Variants in LMBR1 observed in about 807,000 individuals in gnomAD.
The protein encoded by LMBR1 is limb region 1 protein homolog.
A neutral mutation model predicts 73.9 loss-of-function variants in LMBR1; 52 were observed. The observed-to-expected ratio is 0.70, with a 90% CI of 0.56 to 0.89. The LOEUF is 0.89. Ranked by LOEUF, LMBR1 falls within the 40% of genes least tolerant of loss-of-function variation. LMBR1 has a pLI of 0.00. For synonymous variants in LMBR1, 215 were observed against 209.4 expected (o/e 1.03, Z -0.23); for missense variants, 539 against 579.8 (o/e 0.93, Z 0.72).
chr7:156,727,655 GC>G (rs1816035264), intron 12 of LMBR1, among the ~76,000 whole-genome samples: 1 of 152,030 alleles, frequency 6.6e-6, no homozygotes, highest in Non-Finnish European at 1.5e-5. Context: ...ATTTCATATA[GC>G]TAAATGAATT....
intron 2 of LMBR1, among the ~76,000 whole-genome samples, chr7:156,835,523 T>C (rs1431748902): frequency 6.6e-6 from 1 of 151,968 alleles, no homozygotes; most frequent in African/African-American, 2.4e-5. Flanking sequence ...AGTGAAGCCC[T>C]GTCTCTATTA....
intron 5 of LMBR1, among the ~76,000 whole-genome samples, chr7:156,792,134 A>C (rs1249252601): frequency 6.6e-6 from 1 of 152,208 alleles, no homozygotes; most frequent in Non-Finnish European, 1.5e-5. Flanking sequence ...CTCTGATATT[A>C]ATCCAGATAA....
chr7:156,799,247 G>A (rs1020326612), intron 4 of LMBR1, among the ~76,000 whole-genome samples: 3 of 151,706 alleles, frequency 2.0e-5, no homozygotes, highest in African/African-American at 4.8e-5. Context: ...ACCTAAAGCC[G>A]ATTGCATGTT....
chr7:156,697,168 G>T (rs1335181988), intron 15 of LMBR1, among the ~76,000 whole-genome samples: 1 of 151,976 alleles, frequency 6.6e-6, no homozygotes, highest in Non-Finnish European at 1.5e-5. Flanking sequence ...TTTATTAAGG[G>T]TTTCAAAAGG....
chr7:156,700,432 T>C (rs1360961361), intron 15 of LMBR1, among the ~76,000 whole-genome samples: 2 of 151,896 alleles, frequency 1.3e-5, no homozygotes, highest in East Asian at 3.9e-4. Flanking sequence ...TTAGGAGATA[T>C]ACCTAATGCT....
intron 15 of LMBR1, among the ~76,000 whole-genome samples, chr7:156,691,487 C>T (rs1563142565): frequency 6.6e-6 from 1 of 152,170 alleles, no homozygotes; most frequent in Non-Finnish European, 1.5e-5. Flanking sequence ...GCTGGTTTCT[C>T]TACCTGCAAT....
chr7:156,814,409 G>C (rs977151606), intron 4 of LMBR1, among the ~76,000 whole-genome samples: 1 of 152,168 alleles, frequency 6.6e-6, no homozygotes, highest in South Asian at 2.1e-4. Context: ...TTTGTAAAAT[G>C]GAACAAAACA....
downstream of LMBR1, chr7:156,676,135 C>G (rs1008555602): frequency 5.2e-6 from 5 of 957,024 alleles, no homozygotes; most frequent in Non-Finnish European, 6.0e-6. Flanking sequence ...AGGGTGACGG[C>G]AAAGGTCCCT....
rs371738569 is a variant in LMBR1 at position 156,811,103 on chromosome 7, G to A, written c.320-14611C>T. On this transcript the variant is annotated intron_variant, in intron 4 of 16. Coordinates refer to ENST00000353442, the MANE Select transcript of LMBR1 (RefSeq NM_022458.4). ...CAGGATTACAGGCATGAGCCACAGC[G>A]CCCAGCCCCACTTTTGAATAGTTTT... Among the ~76,000 whole-genome samples the A allele has an allele frequency of 1.3e-4, 20 of 152,014 alleles. No individual in the cohort carries two copies. The East Asian group carries it at 1.4e-3, about 10-fold the overall frequency.
chr7:156,858,234 C>T (rs961730144), intron 1 of LMBR1, among the ~76,000 whole-genome samples: 3 of 151,842 alleles, frequency 2.0e-5, no homozygotes, highest in African/African-American at 7.3e-5. Flanking sequence ...ATTACTAACA[C>T]ATGAAAATGA....
chr7:156,880,493 A>G (rs1387084003), intron 1 of LMBR1, among the ~76,000 whole-genome samples: 3 of 152,118 alleles, frequency 2.0e-5, no homozygotes, highest in African/African-American at 7.2e-5. Context: ...CCTAAAACCT[A>G]TGGAAACAAA....
chr7:156,686,878 T>A (rs1371169285), intron 16 of LMBR1, among the ~76,000 whole-genome samples: 7 of 152,248 alleles, frequency 4.6e-5, no homozygotes, highest in African/African-American at 1.7e-4. Context: ...ACTGTTTGAT[T>A]CCTACTTCAA....
chr7:156,676,290 C>T (rs1315946340), downstream of LMBR1: 3 of 1,587,618 alleles, frequency 1.9e-6, no homozygotes, highest in Non-Finnish European at 2.6e-6. Context: ...GTGATTTTAA[C>T]ACAGAATGAA....
intron 15 of LMBR1, among the ~76,000 whole-genome samples, chr7:156,704,495 C>T (rs1047156576): frequency 3.3e-5 from 5 of 151,898 alleles, no homozygotes; most frequent in African/African-American, 7.3e-5. Flanking sequence ...GCAACTATTG[C>T]TCCGGATGCG....
intron 9 of LMBR1, among the ~76,000 whole-genome samples, chr7:156,751,063 T>C (rs527876731): frequency 6.6e-6 from 1 of 152,234 alleles, no homozygotes; most frequent in Non-Finnish European, 1.5e-5. Flanking sequence ...TGAGCCGTGA[T>C]TGTGTCACTG....
chr7:156,783,818 G>T (rs1312616166), intron 5 of LMBR1, among the ~76,000 whole-genome samples: 1 of 152,166 alleles, frequency 6.6e-6, no homozygotes, highest in East Asian at 1.9e-4. Flanking sequence ...AGGAAAGAAA[G>T]AAGACAGCTC....
intron 15 of LMBR1, among the ~76,000 whole-genome samples, chr7:156,718,570 C>CA (rs1369833376): frequency 4.0e-5 from 6 of 151,892 alleles, no homozygotes; most frequent in African/African-American, 1.2e-4. Context: ...CAAAAAAATA[C>CA]AAAAAATTAG....
intron 11 of LMBR1, 68 bp downstream of exon 11, chr7:156,728,576 C>T: frequency 9.2e-7 from 1 of 1,081,264 alleles, no homozygotes; most frequent in Non-Finnish European, 1.4e-6. Flanking sequence ...GAGGGAGCTG[C>T]CATACTCAAA....
chr7:156,815,205 C>T lies in LMBR1; in HGVS notation c.319+11400G>A, dbSNP rs189476819. 3.5e-5 allele frequency among the ~76,000 whole-genome samples: 5 copies of T among 144,508 alleles called. No homozygotes were observed. In the East Asian group the frequency reaches 1.0e-3, roughly 29 times the overall value. The allele number at this position is 144,508 out of a possible 152,430, so 94.8% of individuals were successfully genotyped here. A position where few individuals can be genotyped will look rare whatever the true frequency, so the allele number is the denominator to read the frequency against. On this transcript the variant is annotated intron_variant, in intron 4 of 16. Coordinates refer to ENST00000353442, the MANE Select transcript of LMBR1 (RefSeq NM_022458.4). ...AAAAAAACTGAAAAGTTCTGACATA[C>T]ACCAGCATTTAGACCATATAACAAC...
Sources: allele counts gnomAD v4.1 joint callset (sites outside exome capture counted in the v4.1 genomes callset), GRCh38; gene constraint gnomAD v4.1.1; transcripts MANE v1.5; gene names NCBI Gene and HGNC (gene_info 2026-07-23, HGNC 2026-07-21).